U2SURP: variants seen among roughly 807,000 people sequenced by gnomAD.
The protein encoded by U2SURP is U2 snRNP associated SURP domain containing.
In U2SURP, 9 loss-of-function variants were observed where a neutral mutation model predicts 144.9. That is an observed-to-expected ratio of 0.06 (90% CI 0.04 to 0.11). The LOEUF (loss-of-function observed/expected upper bound fraction) is 0.11, where lower values mean the gene tolerates loss of function less well. Ranked by LOEUF, U2SURP falls within the 10% of genes least tolerant of loss-of-function variation. The probability of loss-of-function intolerance (pLI) is 1.00; values close to 1 mark genes in which losing one functional copy is unlikely to be tolerated. For missense variants in U2SURP, 724 were observed against 1,226.7 expected, an observed-to-expected ratio of 0.59 and a Z score of 6.12; for synonymous variants, 408 against 396.8, an observed-to-expected ratio of 1.03 and a Z score of -0.33.
At chr3:143,022,405 C>T (rs1239196005) in intron 10 of U2SURP, 92 bp from the exon 11 acceptor site, 2 of 1,285,154 alleles carry the variant, frequency 1.6e-6, no homozygotes, top group Non-Finnish European at 2.1e-6. Flanking sequence ...TGCTATGTTG[C>T]TTTTTATTTT....
intron 4 of U2SURP, among the ~76,000 whole-genome samples, chr3:143,014,712 A>G (rs766472234): frequency 2.6e-5 from 4 of 152,070 alleles, no homozygotes; most frequent in Non-Finnish European, 5.9e-5. Flanking sequence ...TAATGATAGC[A>G]TGCTTTATAC....
At chr3:143,007,286 T>C (rs1935885749) in intron 1 of U2SURP, among the ~76,000 whole-genome samples, 1 of 151,908 alleles carries the variant, frequency 6.6e-6, no homozygotes, top group African/African-American at 2.4e-5. Flanking sequence ...TTCTTTTCTT[T>C]TCTTTTTTTT....
Position 143,028,321 on chromosome 3 carries a change from G to A in U2SURP, c.1380-19G>A. On this transcript the variant is annotated intron_variant, in intron 14 of 27. Coordinates refer to ENST00000473835, the MANE Select transcript of U2SURP (RefSeq NM_001080415.2). ...TTTGTTAAAGAATATGATGTTTAAT[G>A]TTTGTTTGTTTTGTGTAGGTTCTTA... 2 of 1,600,822 alleles carry A rather than the reference G, an allele frequency of 1.2e-6. No individual in the cohort carries two copies. Among genetic ancestry groups the A allele is most frequent in the African/African-American group, 1.3e-5 (1 of 74,746 alleles).
intron 4 of U2SURP, 22 bp downstream of exon 4, chr3:143,014,431 G>C (rs772862224): frequency 6.6e-7 from 1 of 1,512,810 alleles, no homozygotes. Flanking sequence ...AATGTATTTT[G>C]AATTATCCTT....
In U2SURP at chr3:143,016,826, G is replaced by A. The variant is rs371018045; in HGVS notation, c.437-16G>A. On this transcript the variant is annotated splice_polypyrimidine_tract_variant and intron_variant, in intron 5 of 27. Coordinates refer to ENST00000473835, the MANE Select transcript of U2SURP (RefSeq NM_001080415.2). ...ATTGCGAAATTAGTTTTGAAACTTA[G>A]TATTTTAAATTTCAGAAGAACATGA... 5 of 1,507,912 alleles carry A rather than the reference G, an allele frequency of 3.3e-6. No individual in the cohort carries two copies. The South Asian group carries it at 5.4e-5, about 16-fold the overall frequency. The allele number at this position is 1,507,912 out of a possible 1,614,324, so 93.4% of individuals were successfully genotyped here.
intron 16 of U2SURP, among the ~76,000 whole-genome samples, chr3:143,031,317 C>T (rs747626301): frequency 6.7e-6 from 1 of 149,218 alleles, no homozygotes; most frequent in Non-Finnish European, 1.5e-5. Flanking sequence ...TAACAAACAA[C>T]AACTCATGCT....
At chr3:143,033,219 C>G in intron 17 of U2SURP, 52 bp from the exon 18 acceptor site, 2 of 1,122,410 alleles carry the variant, frequency 1.8e-6, no homozygotes, top group Non-Finnish European at 2.6e-6. Context: ...TAAATTATAG[C>G]TAAACATTAG....
chr3:143,030,696 G>A (rs1045247035), intron 16 of U2SURP, among the ~76,000 whole-genome samples: 7 of 152,106 alleles, frequency 4.6e-5, no homozygotes, highest in Non-Finnish European at 8.8e-5. Flanking sequence ...CCTCCAGTGG[G>A]TCTGGGAAAA....
Position 143,023,059 on chromosome 3 carries a change from G to C in U2SURP, c.1225G>C (p.Glu409Gln). ...GCCACCTAAAAACAAAGAGGATTTT[G>C]AGAAGGTAATTTAAAAAATGGACAT... Reference protein sequence around the residue: ...LPPPKNKEDFEKTLSQAIVKV... With the variant: ...LPPPKNKEDFQKTLSQAIVKV... The change falls in exon 12 of 28, where the codon GAG (glutamate) becomes CAG (glutamine). Residue 409 changes from glutamate to glutamine, a missense_variant. By Grantham distance (29) the Glu-to-Gln change is conservative. This residue lies in a region of U2SURP where 64 missense variants were observed against 164.1 expected (regional missense o/e 0.39). Coordinates refer to ENST00000473835, the MANE Select transcript of U2SURP (RefSeq NM_001080415.2). 1 of 1,597,432 alleles carries C rather than the reference G, an allele frequency of 6.3e-7. No homozygotes were observed. Among genetic ancestry groups the C allele is most frequent in the Non-Finnish European group, 8.5e-7 (1 of 1,172,584 alleles).
At chr3:143,055,869 G>A (rs531134226) in intron 27 of U2SURP, among the ~76,000 whole-genome samples, 1 of 152,296 alleles carries the variant, frequency 6.6e-6, no homozygotes, top group East Asian at 1.9e-4. Flanking sequence ...TGATACTGCA[G>A]TAGTTGTTTG....
intron 24 of U2SURP, among the ~76,000 whole-genome samples, chr3:143,043,825 G>T (rs1934252809): frequency 6.7e-6 from 1 of 150,314 alleles, no homozygotes; most frequent in African/African-American, 2.5e-5. Context: ...CTGGAGTGCA[G>T]TGGCGCAGTC....
At chr3:143,023,841 C>A (rs1056834435) in intron 12 of U2SURP, 134 bp from the exon 13 acceptor site, 2 of 754,336 alleles carry the variant, frequency 2.7e-6, no homozygotes, top group Non-Finnish European at 4.6e-6. Flanking sequence ...ATAATGACTT[C>A]AAATGCAGTG....
At position 143,058,674 on chromosome 3, in the gene U2SURP, C is replaced by A. The variant is rs1935255639; in HGVS notation, c.*2224C>A. ...AACCTACTTAATACTCCCATGGATT[C>A]TATGAAAGTTTAATGGGATCAGAAA... On this transcript the variant is annotated 3_prime_UTR_variant, in exon 28 of 28. Coordinates refer to ENST00000473835, the MANE Select transcript of U2SURP (RefSeq NM_001080415.2). 1 of 151,676 alleles carries A rather than the reference C, an allele frequency of 6.6e-6. No individual in the cohort carries two copies. Among genetic ancestry groups the A allele is most frequent in the African/African-American group, 2.4e-5 (1 of 41,336 alleles). The allele number at this position is 151,676 out of a possible 1,614,324, so 9.4% of individuals were successfully genotyped here. A position where few individuals can be genotyped will look rare whatever the true frequency, so the allele number is the denominator to read the frequency against.
chr3:143,020,072 T>C, intron 7 of U2SURP, 36 bp downstream of exon 7: 3 of 1,296,314 alleles, frequency 2.3e-6, no homozygotes, highest in Non-Finnish European at 3.1e-6. Flanking sequence ...CTATCATAGG[T>C]GTATTGAGCT....
chr3:143,055,131 T>G lies in U2SURP; in HGVS notation c.2951+12T>G. The G allele has an allele frequency of 6.4e-7, 1 of 1,555,314 alleles. No homozygotes were observed. Among genetic ancestry groups the G allele is most frequent in the Non-Finnish European group, 8.6e-7 (1 of 1,156,642 alleles). Reference sequence around the variant, plus strand: ...AAAAAAGCCAAAAGGTAAATGCAAGTCATTTTTGCTAATATTTCAGATACC... The same window carrying G: ...AAAAAAGCCAAAAGGTAAATGCAAGGCATTTTTGCTAATATTTCAGATACC... On this transcript the variant is annotated intron_variant, in intron 27 of 27. Transcript: ENST00000473835.
intron 1 of U2SURP, among the ~76,000 whole-genome samples, chr3:143,002,618 G>A (rs1935594620): frequency 6.6e-6 from 1 of 152,126 alleles, no homozygotes; most frequent in Non-Finnish European, 1.5e-5. Context: ...CAGGTGCTAG[G>A]GACTGTTAAA....
At chr3:143,054,264 A>G (rs1935034917) in intron 26 of U2SURP, among the ~76,000 whole-genome samples, 1 of 152,172 alleles carries the variant, frequency 6.6e-6, no homozygotes, top group Admixed American at 6.5e-5. Context: ...TTCAGTTTTT[A>G]TGTCTTACTC....
chr3:143,029,132 G>A (rs1302609437), intron 16 of U2SURP, among the ~76,000 whole-genome samples: 3 of 152,214 alleles, frequency 2.0e-5, no homozygotes, highest in African/African-American at 7.2e-5. Flanking sequence ...CAATTGTACA[G>A]TGCAGCTAGC....
intron 26 of U2SURP, 88 bp from the exon 27 acceptor site, chr3:143,054,855 G>T: frequency 7.6e-7 from 1 of 1,319,184 alleles, no homozygotes. Context: ...GAGTAAGCTG[G>T]TAGCAATTAA....
Sources: allele counts gnomAD v4.1 joint callset (sites outside exome capture counted in the v4.1 genomes callset), GRCh38; gene constraint gnomAD v4.1.1; regional missense constraint gnomAD v4.1.1; transcripts MANE v1.5; gene names NCBI Gene and HGNC (gene_info 2026-07-23, HGNC 2026-07-21).